Variants in GRIA4 observed in about 807,000 individuals in gnomAD.
GRIA4 encodes glutamate receptor 4.
In GRIA4, 34 loss-of-function variants were observed where a neutral mutation model predicts 104.0. The observed-to-expected ratio is 0.33, with a 90% CI of 0.25 to 0.44. The LOEUF is 0.44. Ranked by LOEUF, GRIA4 falls within the 20% of genes least tolerant of loss-of-function variation. The pLI is 1.00. For synonymous variants in GRIA4, 386 were observed against 381.9 expected (o/e 1.01, Z -0.13); for missense variants, 750 against 1,096.5 (o/e 0.68, Z 4.46).
At chr11:105,964,057 C>T (rs963763150) in intron 14 of GRIA4, among the ~76,000 whole-genome samples, 24 of 151,994 alleles carry the variant, frequency 1.6e-4, no homozygotes, top group Admixed American at 6.5e-5. Context: ...AAATTTAGTT[C>T]CTCACAGACA....
At chr11:105,680,724 C>G (rs540724121) in intron 3 of GRIA4, among the ~76,000 whole-genome samples, 25 of 152,238 alleles carry the variant, frequency 1.6e-4, no homozygotes, top group Admixed American at 1.3e-3. Context: ...CTCCTCCCTT[C>G]CCCAGTGAGG....
intron 3 of GRIA4, among the ~76,000 whole-genome samples, chr11:105,724,973 A>T (rs903046024): frequency 6.6e-6 from 1 of 152,118 alleles, no homozygotes; most frequent in African/African-American, 2.4e-5. Flanking sequence ...TTAGAAATCA[A>T]TGTTTGCATT....
chr11:105,845,438 T>A (rs751867792), intron 4 of GRIA4, among the ~76,000 whole-genome samples: 25 of 152,124 alleles, frequency 1.6e-4, no homozygotes, highest in Admixed American at 3.3e-4. Flanking sequence ...GAGGGAACCT[T>A]GACCCCTGCA....
intron 3 of GRIA4, among the ~76,000 whole-genome samples, chr11:105,673,183 G>T (rs1035684629): frequency 6.6e-6 from 1 of 152,042 alleles, no homozygotes; most frequent in Admixed American, 6.6e-5. Flanking sequence ...ATATCTGAAT[G>T]CAAATTATCA....
intron 4 of GRIA4, among the ~76,000 whole-genome samples, chr11:105,841,239 AAAAAAATTCTTAAATCTTT>A: frequency 1.3e-5 from 2 of 152,358 alleles, no homozygotes; most frequent in Middle Eastern, 6.8e-3. Flanking sequence ...CTTCAAAAAA[AAAAAAATTCTTAAATCTTT>A]AAAAAATTAT....
At chr11:105,830,667 C>A (rs1170155757) in intron 4 of GRIA4, among the ~76,000 whole-genome samples, 5 of 151,994 alleles carry the variant, frequency 3.3e-5, no homozygotes, top group African/African-American at 1.2e-4. Flanking sequence ...GTCATGGATT[C>A]TATTCCTCAC....
At chr11:105,798,828 G>T (rs1282995817) in intron 4 of GRIA4, among the ~76,000 whole-genome samples, 1 of 152,134 alleles carries the variant, frequency 6.6e-6, no homozygotes, top group Non-Finnish European at 1.5e-5. Context: ...ACAGAGGAAA[G>T]AATATTGGTG....
chr11:105,844,528 C>T (rs1240616525), intron 4 of GRIA4, among the ~76,000 whole-genome samples: 1 of 152,134 alleles, frequency 6.6e-6, no homozygotes, highest in East Asian at 1.9e-4. Flanking sequence ...AAAACAGGAC[C>T]TTTGCATTAA....
At chr11:105,872,481 A>G (rs559761415) in intron 5 of GRIA4, among the ~76,000 whole-genome samples, 1 of 152,118 alleles carries the variant, frequency 6.6e-6, no homozygotes, top group Non-Finnish European at 1.5e-5. Context: ...CCTGTGAACA[A>G]AATCTTCACC....
chr11:105,650,859 A>C (rs978992441), intron 3 of GRIA4, among the ~76,000 whole-genome samples: 1 of 152,164 alleles, frequency 6.6e-6, no homozygotes, highest in Non-Finnish European at 1.5e-5. Flanking sequence ...TCTCACTAAA[A>C]TTAGACAACA....
chr11:105,959,568 G>A lies in GRIA4; in HGVS notation c.2295-12346G>A, dbSNP rs140446287. 5.0e-3 allele frequency among the ~76,000 whole-genome samples: 768 copies of A among 152,216 alleles called. 2 individuals carry two copies. The highest frequency in any genetic ancestry group is 9.3e-3 in the Non-Finnish European group (633 of 68,010). The stretch of plus-strand genomic sequence containing the variant: ...AAACATGCATTTTTAGCTCATCGTA[G>A]TTTTTATTACCTATCTTCTGAAGAC... On this transcript the variant is annotated intron_variant, in intron 14 of 16. Coordinates refer to ENST00000282499, the MANE Select transcript of GRIA4 (RefSeq NM_000829.4).
intron 3 of GRIA4, among the ~76,000 whole-genome samples, chr11:105,647,715 C>T (rs997903543): frequency 2.6e-5 from 4 of 152,136 alleles, no homozygotes; most frequent in East Asian, 1.9e-4. Flanking sequence ...ATACTGCACA[C>T]TCTCACTTAT....
intron 4 of GRIA4, among the ~76,000 whole-genome samples, chr11:105,794,083 C>A (rs1942343561): frequency 1.3e-5 from 2 of 151,976 alleles, no homozygotes; most frequent in South Asian, 4.2e-4. Context: ...ATCTAGGAGC[C>A]ATAAATGTAG....
At position 105,736,168 on chromosome 11, in the gene GRIA4, C is replaced by A. The variant is rs1025399801; in HGVS notation, c.248-16813C>A. On this transcript the variant is annotated intron_variant, in intron 3 of 16. Transcript: ENST00000282499. ...GCCTTTAATCCCTCTTGGCAACAAT[C>A]ATTTTGGGATGACAGTGGCACCCCT... Among the ~76,000 whole-genome samples the A allele has an allele frequency of 3.3e-5, 5 of 152,112 alleles. No homozygotes were observed. The South Asian group carries it at 6.2e-4, about 19-fold the overall frequency.
intron 3 of GRIA4, among the ~76,000 whole-genome samples, chr11:105,732,138 A>G (rs911587680): frequency 6.6e-6 from 1 of 152,156 alleles, no homozygotes; most frequent in South Asian, 2.1e-4. Flanking sequence ...AAGCATGAAC[A>G]ATAAGGAATT....
chr11:105,898,667 T>C (rs1380366123), intron 7 of GRIA4, among the ~76,000 whole-genome samples: 3 of 152,176 alleles, frequency 2.0e-5, no homozygotes, highest in Non-Finnish European at 4.4e-5. Context: ...ACTATACATA[T>C]GAATTTTCTT....
chr11:105,717,142 A>G (rs549730390), intron 3 of GRIA4, among the ~76,000 whole-genome samples: 4 of 152,224 alleles, frequency 2.6e-5, no homozygotes, highest in African/African-American at 9.6e-5. Flanking sequence ...TCTCCATAGA[A>G]TGAGTCACTA....
chr11:105,791,439 AT>A (rs1247242745), intron 4 of GRIA4, among the ~76,000 whole-genome samples: 2 of 152,114 alleles, frequency 1.3e-5, no homozygotes, highest in African/African-American at 2.4e-5. Context: ...TTTCTAATTA[AT>A]TTTTTAAGTT....
chr11:105,611,143 G>T, intron 2 of GRIA4, 58 bp downstream of exon 2: 1 of 1,158,368 alleles, frequency 8.6e-7, no homozygotes, highest in Non-Finnish European at 1.3e-6. Context: ...ATCCGAAAGT[G>T]AGTTAAATGA....
Sources: allele counts gnomAD v4.1 joint callset (sites outside exome capture counted in the v4.1 genomes callset), GRCh38; gene constraint gnomAD v4.1.1; transcripts MANE v1.5; gene names NCBI Gene and HGNC (gene_info 2026-07-23, HGNC 2026-07-21).